ZMYM5: variants seen among roughly 807,000 people sequenced by gnomAD.
ZMYM5 encodes zinc finger MYM-type containing 5.
A neutral mutation model predicts 61.8 loss-of-function variants in ZMYM5; 41 were observed. That is an observed-to-expected ratio of 0.66 (90% CI 0.52 to 0.86). The LOEUF (loss-of-function observed/expected upper bound fraction) is 0.86, where lower values mean the gene tolerates loss of function less well. Among genes scored for constraint, ZMYM5 ranks in the 40% least tolerant of loss-of-function variants. ZMYM5 has a pLI of 0.00. For synonymous variants in ZMYM5, 257 were observed against 276.4 expected, an observed-to-expected ratio of 0.93 and a Z score of 0.70; for missense variants, 706 against 786.7, an observed-to-expected ratio of 0.90 and a Z score of 1.23.
chr13:19,843,389 A>AG (rs71070253), intron 4 of ZMYM5: 2 of 150,648 alleles, frequency 1.3e-5, no homozygotes, highest in African/African-American at 2.4e-5. Context: ...AAAAAAAAAA[A>AG]AAAAAAAGAA....
chr13:19,841,111 C>T (rs1437614636), intron 4 of ZMYM5, among the ~76,000 whole-genome samples: 3 of 150,962 alleles, frequency 2.0e-5, no homozygotes, highest in Admixed American at 6.6e-5. Context: ...ATTACAGGAG[C>T]ACGCCACCAC....
intron 4 of ZMYM5, among the ~76,000 whole-genome samples, chr13:19,848,637 G>C (rs1252240701): frequency 6.6e-6 from 1 of 151,902 alleles, no homozygotes; most frequent in Non-Finnish European, 1.5e-5. Context: ...AGGTTCAAGT[G>C]ATTTTCCTGC....
chr13:19,837,670 T>C lies in ZMYM5; in HGVS notation c.1024A>G (p.Ser342Gly), dbSNP rs768907412. 5 of 1,585,234 alleles carry C rather than the reference T, an allele frequency of 3.2e-6. No individual in the cohort carries two copies. The Admixed American group carries it at 1.0e-4, about 32-fold the overall frequency. ...VFNKSRCTIC[S>G]KLAEIRHEVS... ...AAAATCCAGACCTCTGCTAATTTAC[T>C]ACAAATTGTACATCTTGACTTATTA... The change falls in exon 6 of 8, where the codon AGT becomes GGT. Residue 342 changes from serine to glycine, a missense_variant. Physicochemically the swap from Ser to Gly is moderately conservative, Grantham distance 56. Transcript: ENST00000337963.
At position 19,824,660 on chromosome 13, in the gene ZMYM5, G is replaced by A. The variant is rs1890820048; in HGVS notation, c.1827C>T (p.Cys609=). The change falls in exon 8 of 8, where the codon TGC becomes TGT. Residue 609 remains cysteine (C), a synonymous_variant. Coordinates refer to ENST00000337963, the MANE Select transcript of ZMYM5 (RefSeq NM_001142684.2). ...TATGTGATAAATGTTGCCAATCTTT[G>A]CACCCATTTTCATTTTTCAGTTGAT... The part of the protein sequence containing the change: ...GKNQLKNENG[C]KDWQHLSHIL... The A allele has an allele frequency of 7.5e-7, 1 of 1,326,798 alleles. No homozygotes were observed. Among genetic ancestry groups the A allele is most frequent in the South Asian group, 1.2e-5 (1 of 81,514 alleles). The allele number at this position is 1,326,798 out of a possible 1,614,324, so 82.2% of individuals were successfully genotyped here.
chr13:19,860,818 G>A (rs575050764), intron 2 of ZMYM5, among the ~76,000 whole-genome samples: 1 of 146,830 alleles, frequency 6.8e-6, no homozygotes, highest in Admixed American at 7.0e-5. Context: ...AGAATTGAAA[G>A]ATAAAGCTGA....
chr13:19,857,415 A>C (rs1419937965), intron 2 of ZMYM5, among the ~76,000 whole-genome samples: 1 of 152,232 alleles, frequency 6.6e-6, no homozygotes, highest in Non-Finnish European at 1.5e-5. Context: ...CTTCTTGTAG[A>C]CTACTTTCAG....
In ZMYM5 at chr13:19,835,534, C is replaced by T. The variant is rs569470556; in HGVS notation, c.1194G>A (p.Val398=). 1.5e-6 allele frequency: 2 copies of T among 1,367,702 alleles called. No homozygotes were observed. Among genetic ancestry groups the T allele is most frequent in the South Asian group, 2.3e-5 (2 of 88,050 alleles). The allele number at this position is 1,367,702 out of a possible 1,614,324, so 84.7% of individuals were successfully genotyped here. The change falls in exon 7 of 8, where the codon GTG becomes GTA. Residue 398 remains valine (V), a synonymous_variant. Coordinates refer to ENST00000337963, the MANE Select transcript of ZMYM5 (RefSeq NM_001142684.2). The part of the protein sequence containing the change: ...PSKSTGNNIL[V]IGGQQKRFCC... The stretch of plus-strand genomic sequence containing the variant: ...AAAATCTCTTCTGCTGACCTCCAAT[C>T]ACCAGGATGTTGTTTCCAGTACTCT...
At chr13:19,835,807 A>C in intron 6 of ZMYM5, 118 bp from the exon 7 acceptor site, 1 of 693,866 alleles carries the variant, frequency 1.4e-6, no homozygotes, top group South Asian at 1.8e-5. Flanking sequence ...TCTCAGAGGA[A>C]GATATACCCA....
intron 2 of ZMYM5, among the ~76,000 whole-genome samples, chr13:19,853,120 G>A (rs1366467249): frequency 1.3e-5 from 2 of 152,218 alleles, no homozygotes; most frequent in East Asian, 1.9e-4. Flanking sequence ...CCAAAATGCT[G>A]GGATTACAGG....
At position 19,825,113 on chromosome 13, in the gene ZMYM5, T is replaced by C; in HGVS notation, c.1374A>G (p.Gly458=). 3 of 1,365,336 alleles carry C rather than the reference T, an allele frequency of 2.2e-6. No homozygotes were observed. Among genetic ancestry groups the C allele is most frequent in the African/African-American group, 2.9e-5 (2 of 67,850 alleles). The allele number at this position is 1,365,336 out of a possible 1,614,324, so 84.6% of individuals were successfully genotyped here. The change falls in exon 8 of 8, where the codon GGA becomes GGG. Residue 458 remains glycine, a synonymous_variant. Transcript: ENST00000337963. ...SSNTLLKKIE[G]IPEKKEKTSQ... is the part of the protein sequence containing the mutation. ...AAGTCTTTTCCTTTTTTTCTGGGAT[T>C]CCCTCTATTTTTTTCAAAAGTGTAT...
chr13:19,837,559 C>T (rs2138520668), intron 6 of ZMYM5, 97 bp downstream of exon 6: 1 of 1,609,278 alleles, frequency 6.2e-7, no homozygotes, highest in Non-Finnish European at 8.5e-7. Flanking sequence ...ACATCCAGAA[C>T]ACGTGCATTA....
At chr13:19,861,865 G>GA (rs1953777439) in intron 2 of ZMYM5, among the ~76,000 whole-genome samples, 2 of 150,076 alleles carry the variant, frequency 1.3e-5, no homozygotes, top group South Asian at 2.1e-4. Flanking sequence ...AAAAAAACCC[G>GA]AAAAAACAAA....
chr13:19,856,828 C>G (rs1489375117), intron 2 of ZMYM5, among the ~76,000 whole-genome samples: 1 of 151,622 alleles, frequency 6.6e-6, no homozygotes, highest in East Asian at 1.9e-4. Context: ...ACAAAAAGGC[C>G]GGGCGCAGTG....
Position 19,851,858 on chromosome 13 carries a change from G to C in ZMYM5, c.323C>G (p.Ser108Cys). The C allele has an allele frequency of 6.2e-7, 1 of 1,611,818 alleles. No homozygotes were observed. Among genetic ancestry groups the C allele is most frequent in the Non-Finnish European group, 8.5e-7 (1 of 1,179,570 alleles). ...TGTCTCACTTATATTTCCTTTCTGA[G>C]ATGCCAAATCTCTTGAAGAAGGAGG... ...VIPPSSRDLA[S>C]QKGNISETIV... The change falls in exon 3 of 8, where the codon TCT becomes TGT. Residue 108 changes from serine (S) to cysteine (C), a missense_variant. Ser to Cys is a moderately radical substitution (Grantham distance 112). Around this residue, in one of 2 missense-constraint regions of ZMYM5, gnomAD observed 480 missense variants for 461.7 expected, o/e 1.04. Transcript: ENST00000337963.
chr13:19,835,820 G>T, intron 6 of ZMYM5, 131 bp from the exon 7 acceptor site: 3 of 626,124 alleles, frequency 4.8e-6, no homozygotes, highest in Non-Finnish European at 7.1e-6. Flanking sequence ...TATACCCAGG[G>T]AAAAGATTTT....
intron 4 of ZMYM5, among the ~76,000 whole-genome samples, chr13:19,839,369 G>C (rs908967829): frequency 2.0e-5 from 3 of 151,548 alleles, no homozygotes; most frequent in Non-Finnish European, 2.9e-5. Flanking sequence ...CTGGCACACA[G>C]GCACACTCAA....
chr13:19,825,952 A>G (rs933507552), intron 7 of ZMYM5, among the ~76,000 whole-genome samples: 5 of 151,926 alleles, frequency 3.3e-5, no homozygotes, highest in East Asian at 1.9e-4. Context: ...TTGAGACACA[A>G]GAGACCTCAC....
chr13:19,834,229 T>C (rs1006144937), intron 7 of ZMYM5, among the ~76,000 whole-genome samples: 3 of 152,108 alleles, frequency 2.0e-5, no homozygotes, highest in Non-Finnish European at 4.4e-5. Context: ...CCATCCGCCT[T>C]GGCCTCCCAA....
intron 7 of ZMYM5, among the ~76,000 whole-genome samples, chr13:19,827,967 C>T (rs1254707711): frequency 2.8e-5 from 4 of 140,658 alleles, no homozygotes; most frequent in African/African-American, 1.1e-4. Flanking sequence ...TGCAGTGAGC[C>T]GAGATTGCGC....
Sources: gnomAD v4.1 joint callset for allele counts (sites outside exome capture counted in the v4.1 genomes callset) on GRCh38, gnomAD v4.1.1 for gene constraint, gnomAD v4.1.1 regional missense constraint, MANE v1.5 for transcripts, NCBI Gene and HGNC (gene_info 2026-07-23, HGNC 2026-07-21) for gene names.